Variants in HMBOX1 observed in about 807,000 individuals in gnomAD.
HMBOX1 encodes homeobox containing 1.
Under a neutral mutation model 54.5 loss-of-function variants are expected in HMBOX1, and 14 were observed. The observed-to-expected ratio is 0.26, with a 90% CI of 0.17 to 0.40. The LOEUF is 0.40. Ranked by LOEUF, HMBOX1 falls within the 10% of genes least tolerant of loss-of-function variation. The pLI, the probability that HMBOX1 is intolerant of heterozygous loss-of-function variation, is 1.00. For missense variants in HMBOX1, 332 were observed against 514.4 expected (o/e 0.65, Z 3.43); for synonymous variants, 160 against 181.0 (o/e 0.88, Z 0.93).
chr8:28,944,581 T>C (rs1251997641), intron 1 of HMBOX1, among the ~76,000 whole-genome samples: 1 of 152,220 alleles, frequency 6.6e-6, no homozygotes, highest in Non-Finnish European at 1.5e-5. Flanking sequence ...CTATTCCCAT[T>C]GGATCAAACA....
chr8:28,999,198 A>T (rs1006358805), intron 4 of HMBOX1, among the ~76,000 whole-genome samples: 3 of 152,010 alleles, frequency 2.0e-5, no homozygotes, highest in African/African-American at 7.2e-5. Flanking sequence ...CTGTAATTTT[A>T]CTCATCTGAA....
At chr8:28,959,235 T>C (rs1424976624) in intron 1 of HMBOX1, among the ~76,000 whole-genome samples, 2 of 152,142 alleles carry the variant, frequency 1.3e-5, no homozygotes, top group Non-Finnish European at 2.9e-5. Flanking sequence ...AGCATCATTA[T>C]TCTTGAGCTT....
intron 5 of HMBOX1, among the ~76,000 whole-genome samples, chr8:29,016,195 A>T (rs1287987902): frequency 6.6e-6 from 1 of 152,248 alleles, no homozygotes; most frequent in Non-Finnish European, 1.5e-5. Context: ...TATAAAAAAC[A>T]AATGACAGAC....
chr8:28,915,845 C>A (rs1016756400), intron 1 of HMBOX1: 1 of 152,026 alleles, frequency 6.6e-6, no homozygotes, highest in African/African-American at 2.4e-5. Context: ...GAACTATAGA[C>A]ATGTGACACT....
chr8:29,005,990 A>ATTT (rs775589443), intron 4 of HMBOX1, among the ~76,000 whole-genome samples: 12 of 120,850 alleles, frequency 9.9e-5, no homozygotes, highest in South Asian at 2.8e-4. Flanking sequence ...GATGCATTCT[A>ATTT]TTTTTTTTTT....
At chr8:28,943,906 G>T (rs574698857) in intron 1 of HMBOX1, among the ~76,000 whole-genome samples, 49 of 152,264 alleles carry the variant, frequency 3.2e-4, no homozygotes, top group African/African-American at 1.1e-3. Flanking sequence ...ATATTTATAT[G>T]CAGCCTCCCA....
intron 9 of HMBOX1, chr8:29,049,448 G>T: frequency 6.7e-7 from 1 of 1,501,874 alleles, no homozygotes; most frequent in South Asian, 1.3e-5. Flanking sequence ...ACTAGGGGCA[G>T]CTGGACCCCA....
intron 4 of HMBOX1, among the ~76,000 whole-genome samples, chr8:28,987,917 T>C (rs1357605659): frequency 6.6e-6 from 1 of 152,214 alleles, no homozygotes; most frequent in East Asian, 1.9e-4. Flanking sequence ...CAGGGGAAAT[T>C]TGTTTTTTCC....
At position 28,967,812 on chromosome 8, in the gene HMBOX1, A is replaced by C. The variant is rs578099885; in HGVS notation, c.24-2231A>C. ...CATGAAAATAGGTCTTTTTAAAATC[A>C]TGGCTAACTTGTTACAAGTGAGTAT... On this transcript the variant is annotated intron_variant, in intron 2 of 9. Transcript: ENST00000287701. Among the ~76,000 whole-genome samples, 4 of 152,330 alleles carry C rather than the reference A, an allele frequency of 2.6e-5. No individual in the cohort carries two copies. The South Asian group carries it at 8.3e-4, about 32-fold the overall frequency.
At chr8:29,016,465 G>T (rs966847323) in intron 5 of HMBOX1, among the ~76,000 whole-genome samples, 2 of 152,192 alleles carry the variant, frequency 1.3e-5, no homozygotes, top group African/African-American at 4.8e-5. Flanking sequence ...AACTGAGGAT[G>T]ATTGTGATAA....
At chr8:29,009,602 A>G (rs1833963937) in intron 5 of HMBOX1, 1 of 1,121,942 alleles carries the variant, frequency 8.9e-7, no homozygotes, top group African/African-American at 1.9e-5. Flanking sequence ...TTCATGCTGT[A>G]CCATATCCAG....
chr8:29,024,710 C>T (rs1440176190), intron 6 of HMBOX1, among the ~76,000 whole-genome samples: 1 of 152,154 alleles, frequency 6.6e-6, no homozygotes, highest in Non-Finnish European at 1.5e-5. Context: ...TTAATCTTCA[C>T]AATTCTATAC....
chr8:28,935,640 A>C (rs1226509658), intron 1 of HMBOX1, among the ~76,000 whole-genome samples: 1 of 152,220 alleles, frequency 6.6e-6, no homozygotes, highest in Non-Finnish European at 1.5e-5. Context: ...CAAGTTTCTT[A>C]GAGAGAAACC....
intron 1 of HMBOX1, among the ~76,000 whole-genome samples, chr8:28,920,390 G>T (rs1817347366): frequency 6.6e-6 from 1 of 152,014 alleles, no homozygotes; most frequent in Admixed American, 6.6e-5. Context: ...TAAAACCCTA[G>T]GCAGTATTTG....
chr8:28,981,371 T>A (rs1563518472), intron 4 of HMBOX1, among the ~76,000 whole-genome samples: 1 of 152,222 alleles, frequency 6.6e-6, no homozygotes, highest in Non-Finnish European at 1.5e-5. Context: ...TAGGTGTTTT[T>A]CTGTAGGATA....
At chr8:29,042,780 C>T (rs971719359) in intron 6 of HMBOX1, 7 of 445,332 alleles carry the variant, frequency 1.6e-5, no homozygotes, top group Admixed American at 7.3e-5. Context: ...TTGCTGATTT[C>T]GCATGCCATG....
intron 4 of HMBOX1, among the ~76,000 whole-genome samples, chr8:28,998,616 T>C (rs556524121): frequency 6.6e-6 from 1 of 152,234 alleles, no homozygotes; most frequent in South Asian, 2.1e-4. Context: ...TTATTGGAGT[T>C]TTTAATCTAT....
chr8:28,995,698 T>C, intron 4 of HMBOX1, among the ~76,000 whole-genome samples: 1 of 152,248 alleles, frequency 6.6e-6, no homozygotes, highest in East Asian at 1.9e-4. Flanking sequence ...CATTGTAGTT[T>C]TGATTTGCTG....
At chr8:28,911,693 C>T (rs1482058617) in intron 1 of HMBOX1, among the ~76,000 whole-genome samples, 1 of 152,106 alleles carries the variant, frequency 6.6e-6, no homozygotes, top group Non-Finnish European at 1.5e-5. Flanking sequence ...CTAAAACTTG[C>T]CCCTGCTGCA....
Sources: gnomAD v4.1 joint callset for allele counts (sites outside exome capture counted in the v4.1 genomes callset) on GRCh38, gnomAD v4.1.1 for gene constraint, MANE v1.5 for transcripts, NCBI Gene and HGNC (gene_info 2026-07-23, HGNC 2026-07-21) for gene names.